The following ZNF492 variants were observed in gnomAD, a reference collection of about 807,000 sequenced individuals.
ZNF492 encodes zinc finger protein 115 (Y20).
Under a neutral mutation model 6.4 loss-of-function variants are expected in ZNF492, and 3 were observed. That is an observed-to-expected ratio of 0.47 (90% confidence interval 0.21 to 1.22). The LOEUF (loss-of-function observed/expected upper bound fraction) is 1.22, where lower values mean the gene tolerates loss of function less well. ZNF492 is among the 50% of genes most tolerant of loss of function. The probability of loss-of-function intolerance (pLI) is 0.22; values close to 1 mark genes in which losing one functional copy is unlikely to be tolerated. For missense variants in ZNF492, 356 were observed against 612.5 expected (o/e 0.58, Z 4.42); for synonymous variants, 112 against 205.3 (o/e 0.55, Z 3.89).
intron 1 of ZNF492, among the ~76,000 whole-genome samples, chr19:22,637,063 T>A (rs62118764): frequency 7.0e-6 from 1 of 143,382 alleles, no homozygotes; most frequent in Non-Finnish European, 1.5e-5. Context: ...TCAAGCAATT[T>A]TCTTGCCTCA....
At chr19:22,655,025 G>T (rs1427490301) in intron 3 of ZNF492, among the ~76,000 whole-genome samples, 1 of 151,676 alleles carries the variant, frequency 6.6e-6, no homozygotes, top group African/African-American at 2.4e-5. Context: ...GGGCATGGTG[G>T]CTCACGCCTG....
rs1388395709 is a variant in ZNF492 at position 22,634,459 on chromosome 19, T to G, written c.-109T>G. ...CCACAGCTAAGACGCTAGGACCCCC[T>G]GGAAGCCTAGAAACGGTGAGAGTGC... On this transcript the variant is annotated 5_prime_UTR_variant, in exon 1 of 4. Transcript: ENST00000456783. 7.2e-7 allele frequency: 1 copy of G among 1,382,876 alleles called. No individual in the cohort carries two copies. The highest frequency in any genetic ancestry group is 1.7e-5 in the Admixed American group (1 of 57,882). 85.7% of individuals were successfully genotyped at this position (1,382,876 alleles called of 1,614,324 possible).
chr19:22,653,313 T>C lies in ZNF492; in HGVS notation c.-87T>C. 1.2e-6 allele frequency: 2 copies of C among 1,612,802 alleles called. No homozygotes were observed. Among genetic ancestry groups the C allele is most frequent in the Non-Finnish European group, 8.5e-7 (1 of 1,179,782 alleles). On this transcript the variant is annotated 5_prime_UTR_variant, in exon 2 of 4. Transcript: ENST00000456783. Reference sequence around the variant, plus strand: ...GTGTTTGTATGTTTTTCAGGGAGTGTTGACATTTAGGGATGTGGCCATAGA... The same window carrying C: ...GTGTTTGTATGTTTTTCAGGGAGTGCTGACATTTAGGGATGTGGCCATAGA...
At chr19:22,659,673 T>G (rs928430251) in intron 3 of ZNF492, among the ~76,000 whole-genome samples, 3 of 148,820 alleles carry the variant, frequency 2.0e-5, no homozygotes, top group Admixed American at 6.7e-5. Flanking sequence ...TGTTGTTTTT[T>G]TTTTTTTTTT....
At chr19:22,663,005 T>G (rs1018339112) in intron 3 of ZNF492, among the ~76,000 whole-genome samples, 14 of 152,224 alleles carry the variant, frequency 9.2e-5, no homozygotes, top group African/African-American at 3.1e-4. Flanking sequence ...ATGAAGTCCT[T>G]GCCCATACCT....
chr19:22,659,734 C>T (rs34701636), intron 3 of ZNF492, among the ~76,000 whole-genome samples: 4,266 of 145,270 alleles, frequency 0.029, 77 homozygotes, highest in East Asian at 0.076. Flanking sequence ...GGTGTGATCT[C>T]GGCTCACTGC....
chr19:22,645,025 T>C (rs8104165), intron 1 of ZNF492, among the ~76,000 whole-genome samples: 14,208 of 152,148 alleles, frequency 0.093, 922 homozygotes, highest in Non-Finnish European at 0.13. Context: ...AAATGCCTTC[T>C]GAGAAGTGTT....
Position 22,655,246 on chromosome 19 carries a change from A to G in ZNF492, c.130+1231A>G, listed in dbSNP as rs187241447. Among the ~76,000 whole-genome samples, 9 of 151,856 alleles carry G rather than the reference A, an allele frequency of 5.9e-5. No individual in the cohort carries two copies. In the East Asian group the frequency reaches 1.4e-3, roughly 23 times the overall value. ...TAGGCAGAGGTTGCAGTGAGCTGAG[A>G]TTGCACCACTACACTCCAATGTGGG... On this transcript the variant is annotated intron_variant, in intron 3 of 3. Transcript: ENST00000456783.
Position 22,663,951 on chromosome 19 carries a change from C to T in ZNF492, c.282C>T (p.His94=), listed in dbSNP as rs1223748335. The T allele has an allele frequency of 6.2e-7, 1 of 1,611,512 alleles. No individual in the cohort carries two copies. The highest frequency in any genetic ancestry group is 8.5e-7 in the Non-Finnish European group (1 of 1,178,926). ...AAAGCATGGATGAGTGTAAGGTGCA[C>T]AAAGAATGTTACAATGGACTTAACC... ...YCKSMDECKV[H]KECYNGLNQC... is the part of the protein sequence containing the mutation. The change falls in exon 4 of 4, where the codon CAC becomes CAT. Residue 94 remains histidine, a synonymous_variant. Coordinates refer to ENST00000456783, the MANE Select transcript of ZNF492 (RefSeq NM_020855.3).
rs545388075 is a variant in ZNF492, at chr19:22,652,740, C to T, written c.-93-567C>T. On this transcript the variant is annotated intron_variant, in intron 1 of 3. Coordinates refer to ENST00000456783, the MANE Select transcript of ZNF492 (RefSeq NM_020855.3). ...GACTACGGGCTCTCGCCTCCACGCCCGGCTAATTTTTTGTATTTTTAGTAG... is the reference window on the plus strand; with the variant it reads ...GACTACGGGCTCTCGCCTCCACGCCTGGCTAATTTTTTGTATTTTTAGTAG... Among the ~76,000 whole-genome samples the T allele has an allele frequency of 5.4e-4, 82 of 152,064 alleles. 1 individual carries two copies. The highest frequency in any genetic ancestry group is 2.5e-3 in the East Asian group (13 of 5,116).
chr19:22,648,766 TC>T (rs1395013762), intron 1 of ZNF492, among the ~76,000 whole-genome samples: 6 of 152,218 alleles, frequency 3.9e-5, no homozygotes, highest in Non-Finnish European at 8.8e-5. Context: ...TAGGATTCCA[TC>T]CCCTGCTTAT....
At chr19:22,639,682 G>A (rs1261423525) in intron 1 of ZNF492, among the ~76,000 whole-genome samples, 1 of 147,062 alleles carries the variant, frequency 6.8e-6, no homozygotes, top group Non-Finnish European at 1.5e-5. Flanking sequence ...CCGCACCCCA[G>A]CCTGGGCAAT....
At chr19:22,634,706 C>G (rs148051397) in intron 1 of ZNF492, among the ~76,000 whole-genome samples, 12,133 of 152,168 alleles carry the variant, frequency 0.08, 1,573 homozygotes, top group African/African-American at 0.27. Context: ...GTGCCCTGGC[C>G]TGGAGCCCTC....
At chr19:22,646,503 T>C (rs1971878645) in intron 1 of ZNF492, among the ~76,000 whole-genome samples, 1 of 152,214 alleles carries the variant, frequency 6.6e-6, no homozygotes, top group Non-Finnish European at 1.5e-5. Context: ...TTGAATACTC[T>C]TTATTTCTTT....
rs1318319041 is a variant in ZNF492, at chr19:22,666,853, A to C, written c.*1588A>C. 1 of 152,248 alleles carries C rather than the reference A, an allele frequency of 6.6e-6. No homozygotes were observed. Among genetic ancestry groups the C allele is most frequent in the African/African-American group, 2.4e-5 (1 of 41,472 alleles). The allele number at this position is 152,248 out of a possible 1,614,324, so 9.4% of individuals were successfully genotyped here. A position where few individuals can be genotyped will look rare whatever the true frequency, so the allele number is the denominator to read the frequency against. ...AATTTCTTAATTCAACATTTTTAAC[A>C]GTTTAAATATTGTGCATTCAATCAA... On this transcript the variant is annotated 3_prime_UTR_variant, in exon 4 of 4. Coordinates refer to ENST00000456783, the MANE Select transcript of ZNF492 (RefSeq NM_020855.3).
At chr19:22,639,884 T>C in intron 1 of ZNF492, among the ~76,000 whole-genome samples, 1 of 151,796 alleles carries the variant, frequency 6.6e-6, no homozygotes, top group East Asian at 1.9e-4. Flanking sequence ...ACTTCCAATT[T>C]TATGTTGAAT....
intron 3 of ZNF492, among the ~76,000 whole-genome samples, chr19:22,656,321 G>A (rs2145257138): frequency 6.6e-6 from 1 of 150,444 alleles, no homozygotes; most frequent in East Asian, 2.0e-4. Flanking sequence ...TTTATTTTTG[G>A]ACAGAGTGAG....
At chr19:22,639,382 T>G (rs1055469718) in intron 1 of ZNF492, among the ~76,000 whole-genome samples, 1 of 152,078 alleles carries the variant, frequency 6.6e-6, no homozygotes, top group Non-Finnish European at 1.5e-5. Flanking sequence ...TTATTTTGTA[T>G]TCTGAAATTT....
intron 1 of ZNF492, among the ~76,000 whole-genome samples, chr19:22,645,440 A>C (rs1207656749): frequency 1.3e-5 from 2 of 152,092 alleles, no homozygotes; most frequent in African/African-American, 2.4e-5. Context: ...AGATGGGTAG[A>C]TTGTAAAATT....
Sources: gnomAD v4.1 joint callset for allele counts (sites outside exome capture counted in the v4.1 genomes callset) on GRCh38, gnomAD v4.1.1 for gene constraint, MANE v1.5 for transcripts, NCBI Gene and HGNC (gene_info 2026-07-23, HGNC 2026-07-21) for gene names.